The following CHAC1 variants were observed in gnomAD, a reference collection of about 807,000 sequenced individuals.
The protein encoded by CHAC1 is glutathione-specific gamma-glutamylcyclotransferase 1.
Under a neutral mutation model 22.1 loss-of-function variants are expected in CHAC1, and 22 were observed. The ratio of observed to expected loss-of-function variants is 1.00; its 90% CI spans 0.71 to 1.42. The LOEUF (loss-of-function observed/expected upper bound fraction) is 1.42. Ranked by LOEUF, CHAC1 falls within the 40% of genes most tolerant of loss-of-function variation. CHAC1 has a pLI of 0.00. For synonymous variants in CHAC1, 145 were observed against 128.7 expected, an observed-to-expected ratio of 1.13 and a Z score of -0.86; for missense variants, 272 against 299.2, an observed-to-expected ratio of 0.91 and a Z score of 0.67.
intron 2 of CHAC1, among the ~76,000 whole-genome samples, chr15:40,954,602 TG>T (rs1893189887): frequency 6.6e-6 from 1 of 151,806 alleles, no homozygotes; most frequent in African/African-American, 2.4e-5. Context: ...TTGTTGTTGT[TG>T]TTTTGTTTGT....
chr15:40,954,773 T>G (rs1257688998), intron 2 of CHAC1, among the ~76,000 whole-genome samples: 1 of 151,798 alleles, frequency 6.6e-6, no homozygotes, highest in African/African-American at 2.4e-5. Context: ...TCAGCTAATT[T>G]TTGTATTTTT....
rs193276361 is a variant in CHAC1, at chr15:40,955,939, C to T, written c.*165C>T. On this transcript the variant is annotated 3_prime_UTR_variant, in exon 3 of 3. Coordinates refer to ENST00000617768, the MANE Select transcript of CHAC1 (RefSeq NM_024111.6). Reference sequence around the variant, plus strand: ...GCCTGTCTGCCAGCCTGCAGCTCTCCTGCTTGACACTGACTTACTACTTGA... The same window carrying T: ...GCCTGTCTGCCAGCCTGCAGCTCTCTTGCTTGACACTGACTTACTACTTGA... 4 of 677,146 alleles carry T rather than the reference C, an allele frequency of 5.9e-6. No individual in the cohort carries two copies. In the East Asian group the frequency reaches 8.2e-5, roughly 14 times the overall value. 41.9% of individuals were successfully genotyped at this position (677,146 alleles called of 1,614,324 possible). A position where few individuals can be genotyped will look rare whatever the true frequency, so the allele number is the denominator to read the frequency against.
In CHAC1 at chr15:40,955,833, G is replaced by T; in HGVS notation, c.*59G>T. 6.7e-7 allele frequency: 1 copy of T among 1,492,606 alleles called. No individual in the cohort carries two copies. Among genetic ancestry groups the T allele is most frequent in the Non-Finnish European group, 8.9e-7 (1 of 1,122,388 alleles). The allele number at this position is 1,492,606 out of a possible 1,614,324, so 92.5% of individuals were successfully genotyped here. A position where few individuals can be genotyped will look rare whatever the true frequency, so the allele number is the denominator to read the frequency against. On this transcript the variant is annotated 3_prime_UTR_variant, in exon 3 of 3. Coordinates refer to ENST00000617768, the MANE Select transcript of CHAC1 (RefSeq NM_024111.6). ...ACATCAGGGCCAGACACCCACTCCAGTGCACAAGACAGACTTGCGACCGCT... is the reference window on the plus strand; with the variant it reads ...ACATCAGGGCCAGACACCCACTCCATTGCACAAGACAGACTTGCGACCGCT...
Position 40,953,549 on chromosome 15 carries a change from G to T in CHAC1, c.-35G>T, listed in dbSNP as rs758796434. 1.9e-6 allele frequency: 3 copies of T among 1,608,146 alleles called. No homozygotes were observed. Among genetic ancestry groups the T allele is most frequent in the Non-Finnish European group, 1.7e-6 (2 of 1,179,446 alleles). On this transcript the variant is annotated 5_prime_UTR_variant, in exon 1 of 3. Coordinates refer to ENST00000617768, the MANE Select transcript of CHAC1 (RefSeq NM_024111.6). ...CGTGCCCACGCCGGAGACCAGCCCC[G>T]GAGGCCGCCTGGGCCTATCCCTGTG...
In CHAC1 at chr15:40,956,069, T is replaced by TC; in HGVS notation, c.*301dup. On this transcript the variant is annotated 3_prime_UTR_variant, in exon 3 of 3. Transcript: ENST00000617768. Reference sequence around the variant, plus strand: ...GCCCCATCCTGGAACTTGACCAGATTCCCCCCAGTGCTGCTGCTAACCCCA... The same window carrying TC: ...GCCCCATCCTGGAACTTGACCAGATTCCCCCCCAGTGCTGCTGCTAACCCCA... 1 of 354,296 alleles carries TC rather than the reference T, an allele frequency of 2.8e-6. No homozygotes were observed. 21.9% of individuals were successfully genotyped at this position (354,296 alleles called of 1,614,324 possible). A position where few individuals can be genotyped will look rare whatever the true frequency, so the allele number is the denominator to read the frequency against.
rs1200600618 is a variant in CHAC1, at chr15:40,956,152, C to T, written c.*378C>T. The T allele has an allele frequency of 5.1e-6, 1 of 195,494 alleles. No homozygotes were observed. Among genetic ancestry groups the T allele is most frequent in the Non-Finnish European group, 1.1e-5 (1 of 94,008 alleles). 12.1% of individuals were successfully genotyped at this position (195,494 alleles called of 1,614,324 possible). A position where few individuals can be genotyped will look rare whatever the true frequency, so the allele number is the denominator to read the frequency against. Reference sequence around the variant, plus strand: ...TCCAAGAGCCTCGATCCTCTGCTCACTCAGCCCAGCCATCCATAGCCCTGG... The same window carrying T: ...TCCAAGAGCCTCGATCCTCTGCTCATTCAGCCCAGCCATCCATAGCCCTGG... On this transcript the variant is annotated 3_prime_UTR_variant, in exon 3 of 3. Coordinates refer to ENST00000617768, the MANE Select transcript of CHAC1 (RefSeq NM_024111.6).
chr15:40,956,075 C>G lies in CHAC1; in HGVS notation c.*301C>G. 2.9e-6 allele frequency: 1 copy of G among 345,738 alleles called. No homozygotes were observed. The highest frequency in any genetic ancestry group is 5.1e-5 in the East Asian group (1 of 19,680). The allele number at this position is 345,738 out of a possible 1,614,324, so 21.4% of individuals were successfully genotyped here. Reference sequence around the variant, plus strand: ...TCCTGGAACTTGACCAGATTCCCCCCAGTGCTGCTGCTAACCCCACACCAC... The same window carrying G: ...TCCTGGAACTTGACCAGATTCCCCCGAGTGCTGCTGCTAACCCCACACCAC... On this transcript the variant is annotated 3_prime_UTR_variant, in exon 3 of 3. Transcript: ENST00000617768.
Position 40,955,525 on chromosome 15 carries a change from A to G in CHAC1, c.420A>G (p.Ala140=), listed in dbSNP as rs201026459. Residue 140 remains alanine, a synonymous_variant, in exon 3 of 3, where the codon GCA becomes GCG. Coordinates refer to ENST00000617768, the MANE Select transcript of CHAC1 (RefSeq NM_024111.6). ...ATGCTCCTGACCAACCACTGAAGGCATTGGCCTATGTGGCCACCCCACAGA... is the reference window on the plus strand; with the variant it reads ...ATGCTCCTGACCAACCACTGAAGGCGTTGGCCTATGTGGCCACCCCACAGA... The part of the protein sequence containing the change: ...PQDAPDQPLK[A]LAYVATPQNP... 3.1e-6 allele frequency: 5 copies of G among 1,614,170 alleles called. No homozygotes were observed. In the South Asian group the frequency reaches 5.5e-5, roughly 18 times the overall value.
In CHAC1 at chr15:40,954,351, G is replaced by T. The variant is rs566759133; in HGVS notation, c.267+88G>T. The T allele has an allele frequency of 7.6e-5, 103 of 1,359,566 alleles. No homozygotes were observed. The East Asian group carries it at 2.2e-3, about 28-fold the overall frequency. The allele number at this position is 1,359,566 out of a possible 1,614,324, so 84.2% of individuals were successfully genotyped here. A position where few individuals can be genotyped will look rare whatever the true frequency, so the allele number is the denominator to read the frequency against. On this transcript the variant is annotated intron_variant, in intron 2 of 2. Coordinates refer to ENST00000617768, the MANE Select transcript of CHAC1 (RefSeq NM_024111.6). Reference sequence around the variant, plus strand: ...CTCATAGGCTCTTGGCTGCAGGCTAGCTCTGTCTGATGCTTCTCTGGCAGA... The same window carrying T: ...CTCATAGGCTCTTGGCTGCAGGCTATCTCTGTCTGATGCTTCTCTGGCAGA...
At position 40,955,651 on chromosome 15, in the gene CHAC1, G is replaced by A; in HGVS notation, c.546G>A (p.Leu182=). The change falls in exon 3 of 3, where the codon CTG becomes CTA. Residue 182 remains leucine (L), a synonymous_variant. Coordinates refer to ENST00000617768, the MANE Select transcript of CHAC1 (RefSeq NM_024111.6). ...ACAACCTTGAATACTTGCTGCGTCT[G>A]GCAGACTTCATGCAGCTCTGTGGGC... ...SGHNLEYLLR[L]ADFMQLCGPQ... is the part of the protein sequence containing the mutation. 2 of 1,612,980 alleles carry A rather than the reference G, an allele frequency of 1.2e-6. No homozygotes were observed. The highest frequency in any genetic ancestry group is 2.2e-5 in the East Asian group (1 of 44,884).
intron 1 of CHAC1, 23 bp from the exon 2 acceptor site, chr15:40,954,205 C>G (rs1420791459): frequency 3.7e-6 from 6 of 1,613,526 alleles, no homozygotes; most frequent in Non-Finnish European, 5.1e-6. Context: ...TTGTCTATTT[C>G]AAAATATTTC....
At position 40,953,585 on chromosome 15, in the gene CHAC1, TGAAGCAGGAGTCTGCAGCCCC is replaced by T. The variant is rs1430122792; in HGVS notation, c.6_26del (p.LysGlnGluSerAlaAlaPro2_?8). The T allele has an allele frequency of 2.3e-5, 37 of 1,609,920 alleles. No individual in the cohort carries two copies. The highest frequency in any genetic ancestry group is 3.1e-5 in the Non-Finnish European group (37 of 1,179,932). The stretch of plus-strand genomic sequence containing the variant: ...GGGCCTATCCCTGTGCCAGGCACCA[TGAAGCAGGAGTCTGCAGCCCC>T]GAACACCCCGCCCACCTCGCAGTCC... On this transcript the variant is annotated start_lost and inframe_deletion, in exon 1 of 3. Transcript: ENST00000617768.
Position 40,955,964 on chromosome 15 carries a change from A to C in CHAC1, c.*190A>C, listed in dbSNP as rs1893237798. The C allele has an allele frequency of 1.6e-6, 1 of 627,426 alleles. No homozygotes were observed. Among genetic ancestry groups the C allele is most frequent in the Non-Finnish European group, 2.7e-6 (1 of 367,974 alleles). 38.9% of individuals were successfully genotyped at this position (627,426 alleles called of 1,614,324 possible). A position where few individuals can be genotyped will look rare whatever the true frequency, so the allele number is the denominator to read the frequency against. ...CTGCTTGACACTGACTTACTACTTGAAACTTTATTTATTGCACCATGTTGG... is the reference window on the plus strand; with the variant it reads ...CTGCTTGACACTGACTTACTACTTGCAACTTTATTTATTGCACCATGTTGG... On this transcript the variant is annotated 3_prime_UTR_variant, in exon 3 of 3. Coordinates refer to ENST00000617768, the MANE Select transcript of CHAC1 (RefSeq NM_024111.6).
In CHAC1 at chr15:40,955,566, G is replaced by T. The variant is rs866017721; in HGVS notation, c.461G>T (p.Gly154Val). Residue 154 changes from glycine (G) to valine (V), a missense_variant, in exon 3 of 3, where the codon GGC becomes GTC. By Grantham distance (109) the Gly-to-Val change is moderately radical. Coordinates refer to ENST00000617768, the MANE Select transcript of CHAC1 (RefSeq NM_024111.6). ...VATPQNPGYL[G>V]PAPEEAIATQ... ...ACCCCACAGAACCCTGGTTACCTGGGCCCTGCGCCTGAAGAGGCCATTGCC... is the reference window on the plus strand; with the variant it reads ...ACCCCACAGAACCCTGGTTACCTGGTCCCTGCGCCTGAAGAGGCCATTGCC... The T allele has an allele frequency of 6.2e-7, 1 of 1,614,134 alleles. No homozygotes were observed. The highest frequency in any genetic ancestry group is 1.3e-5 in the African/African-American group (1 of 75,060).
intron 2 of CHAC1, 99 bp from the exon 3 acceptor site, chr15:40,955,274 T>C: frequency 2.2e-6 from 3 of 1,352,656 alleles, no homozygotes; most frequent in South Asian, 1.3e-5. Context: ...CAGCCTCCCT[T>C]ATAGAGCACA....
At position 40,955,882 on chromosome 15, in the gene CHAC1, G is replaced by A. The variant is rs1893235685; in HGVS notation, c.*108G>A. The stretch of plus-strand genomic sequence containing the variant: ...CTTGAGCCCACTGAGCAGATATGGT[G>A]GGTGGCTGGAGGCTTCTCTTTCTCA... On this transcript the variant is annotated 3_prime_UTR_variant, in exon 3 of 3. Coordinates refer to ENST00000617768, the MANE Select transcript of CHAC1 (RefSeq NM_024111.6). The A allele has an allele frequency of 1.6e-6, 2 of 1,234,654 alleles. No homozygotes were observed. The highest frequency in any genetic ancestry group is 2.2e-6 in the Non-Finnish European group (2 of 915,852). 76.5% of individuals were successfully genotyped at this position (1,234,654 alleles called of 1,614,324 possible).
Position 40,956,451 on chromosome 15 carries a change from C to T in CHAC1, c.*677C>T, listed in dbSNP as rs943973178. 1 of 152,702 alleles carries T rather than the reference C, an allele frequency of 6.5e-6. No homozygotes were observed. The highest frequency in any genetic ancestry group is 1.5e-5 in the Non-Finnish European group (1 of 68,428). 9.5% of individuals were successfully genotyped at this position (152,702 alleles called of 1,614,324 possible). On this transcript the variant is annotated 3_prime_UTR_variant, in exon 3 of 3. Transcript: ENST00000617768. ...TGGTCTATTCCTGGGAAGCTCATCA[C>T]TACAGGCCCTGGCAACCTTCCCAGT... is the stretch of plus-strand genomic sequence containing the variant.
At position 40,953,498 on chromosome 15, in the gene CHAC1, C is replaced by T. The variant is rs1893150569; in HGVS notation, c.-86C>T. ...CTGGAGCTACCGAGCGGTGCCAGGC[C>T]AGGTGTGTGCGTCCGTCGGTCTTTC... is the stretch of plus-strand genomic sequence containing the variant. On this transcript the variant is annotated 5_prime_UTR_variant, in exon 1 of 3. Coordinates refer to ENST00000617768, the MANE Select transcript of CHAC1 (RefSeq NM_024111.6). 1 of 1,581,774 alleles carries T rather than the reference C, an allele frequency of 6.3e-7. No individual in the cohort carries two copies. Among genetic ancestry groups the T allele is most frequent in the Non-Finnish European group, 8.6e-7 (1 of 1,167,514 alleles).
intron 2 of CHAC1, among the ~76,000 whole-genome samples, chr15:40,954,701 T>G (rs1294042681): frequency 6.6e-6 from 1 of 152,124 alleles, no homozygotes; most frequent in Non-Finnish European, 1.5e-5. Context: ...CCTTCCAGAT[T>G]CAAGCGATTC....
Sources: allele counts gnomAD v4.1 joint callset (sites outside exome capture counted in the v4.1 genomes callset), GRCh38; gene constraint gnomAD v4.1.1; transcripts MANE v1.5; gene names NCBI Gene and HGNC (gene_info 2026-07-23, HGNC 2026-07-21).